The following DDX6 variants were observed in gnomAD, a reference collection of about 807,000 sequenced individuals.
DDX6 encodes DEAD-box helicase 6, also known as probable ATP-dependent RNA helicase DDX6.
In DDX6, 7 loss-of-function variants were observed where a neutral mutation model predicts 60.6. The ratio of observed to expected loss-of-function variants is 0.12; its 90% confidence interval spans 0.07 to 0.22. DDX6 has a LOEUF of 0.22. DDX6 is among the 10% of genes least tolerant of loss of function. The probability of loss-of-function intolerance (pLI) is 1.00; values close to 1 mark genes in which losing one functional copy is unlikely to be tolerated. For synonymous variants in DDX6, 207 were observed against 201.0 expected (o/e 1.03, Z -0.25); for missense variants, 270 against 589.9 (o/e 0.46, Z 5.62).
intron 11 of DDX6, among the ~76,000 whole-genome samples, chr11:118,755,802 T>A (rs499343): frequency 6.6e-6 from 1 of 151,792 alleles, no homozygotes; most frequent in Non-Finnish European, 1.5e-5. Context: ...TCACCTGAGG[T>A]CAGGAGTTCG....
At chr11:118,771,629 G>A (rs960953023) in intron 4 of DDX6, among the ~76,000 whole-genome samples, 2 of 152,222 alleles carry the variant, frequency 1.3e-5, no homozygotes, top group East Asian at 3.8e-4. Flanking sequence ...GGCAAAGGAG[G>A]AAGGAAACGA....
intron 9 of DDX6, among the ~76,000 whole-genome samples, chr11:118,757,672 C>T (rs533003301): frequency 6.6e-6 from 1 of 152,100 alleles, no homozygotes; most frequent in South Asian, 2.1e-4. Context: ...CTCACTGCAA[C>T]AGCTGCCTCC....
Position 118,759,907 on chromosome 11 carries a change from C to T in DDX6, c.864+15G>A. On this transcript the variant is annotated intron_variant, in intron 8 of 13. Coordinates refer to ENST00000534980, the MANE Select transcript of DDX6 (RefSeq NM_004397.6). ...CACAGGATGGCACTGATTCCAAGTACAGATTTATACTCACCATGAACTTCT... is the reference window on the plus strand; with the variant it reads ...CACAGGATGGCACTGATTCCAAGTATAGATTTATACTCACCATGAACTTCT... 11 of 1,604,014 alleles carry T rather than the reference C, an allele frequency of 6.9e-6. No individual in the cohort carries two copies. Among genetic ancestry groups the T allele is most frequent in the Non-Finnish European group, 9.4e-6 (11 of 1,176,432 alleles).
At chr11:118,777,367 T>C (rs192609691) in intron 4 of DDX6, among the ~76,000 whole-genome samples, 104 of 152,300 alleles carry the variant, frequency 6.8e-4, no homozygotes, top group African/African-American at 2.4e-3. Context: ...CTATGTATAA[T>C]GCATGTTTAT....
chr11:118,781,987 C>T (rs529376540), intron 2 of DDX6, among the ~76,000 whole-genome samples: 10 of 151,918 alleles, frequency 6.6e-5, no homozygotes, highest in African/African-American at 1.7e-4. Context: ...CCAAGGCAAG[C>T]GGATCACCTG....
chr11:118,786,016 C>T, intron 2 of DDX6, 36 bp downstream of exon 2: 1 of 1,583,292 alleles, frequency 6.3e-7, no homozygotes, highest in Non-Finnish European at 8.6e-7. Context: ...CTTGGTTCCC[C>T]ACAAGTGTTT....
At chr11:118,757,368 C>T in intron 9 of DDX6, 81 bp from the exon 10 acceptor site, 1 of 656,092 alleles carries the variant, frequency 1.5e-6, no homozygotes, top group Non-Finnish European at 2.5e-6. Flanking sequence ...CACGAACCAG[C>T]AAAAAAGAAA....
At position 118,747,882 on chromosome 11, in the gene DDX6, A is replaced by C. The variant is rs546043156; in HGVS notation, c.*4223T>G. On this transcript the variant is annotated 3_prime_UTR_variant, in exon 14 of 14. Transcript: ENST00000534980. ...CATATATGCGTACATACAACATAAC[A>C]CATCCCAACAAAAACAGAGCCCCCC... The C allele has an allele frequency of 2.2e-5, 3 of 136,928 alleles. No individual in the cohort carries two copies. Among genetic ancestry groups the C allele is most frequent in the African/African-American group, 8.1e-5 (3 of 36,940 alleles). 8.5% of individuals were successfully genotyped at this position (136,928 alleles called of 1,614,324 possible).
chr11:118,764,268 T>C (rs1555160887), intron 6 of DDX6, among the ~76,000 whole-genome samples: 1 of 152,268 alleles, frequency 6.6e-6, no homozygotes, highest in African/African-American at 2.4e-5. Flanking sequence ...TCTTGCTGTT[T>C]TGTTACCTTT....
chr11:118,755,506 T>TTA lies in DDX6; in HGVS notation c.1175-4_1175-3insTA. The stretch of plus-strand genomic sequence containing the variant: ...ATCAATACCTCGGGTAAACAGATCT[T>TTA]AAAAAAAAAAAGATAATTTTCATTT... On this transcript the variant is annotated splice_region_variant and splice_polypyrimidine_tract_variant and intron_variant, in intron 11 of 13. Transcript: ENST00000534980. 8.1e-7 allele frequency: 1 copy of TTA among 1,239,686 alleles called. No homozygotes were observed. The allele number at this position is 1,239,686 out of a possible 1,614,324, so 76.8% of individuals were successfully genotyped here.
chr11:118,776,038 G>A (rs1256789154), intron 4 of DDX6, among the ~76,000 whole-genome samples: 3 of 152,170 alleles, frequency 2.0e-5, no homozygotes, highest in African/African-American at 4.8e-5. Context: ...TCCTTACTCA[G>A]GAGGCTGGGG....
chr11:118,765,965 G>A (rs1222106852), intron 5 of DDX6, among the ~76,000 whole-genome samples: 1 of 151,992 alleles, frequency 6.6e-6, no homozygotes, highest in East Asian at 1.9e-4. Context: ...CAGCTACTTG[G>A]GAGGCTGAGG....
chr11:118,750,498 A>C lies in DDX6; in HGVS notation c.*1607T>G, dbSNP rs1860721786. The C allele has an allele frequency of 1.3e-5, 2 of 152,224 alleles. No individual in the cohort carries two copies. The allele number at this position is 152,224 out of a possible 1,614,324, so 9.4% of individuals were successfully genotyped here. Reference sequence around the variant, plus strand: ...AGCTCTCAGGTTGCCCATTCCTGCAAAAGTTTATGTATCAAAGCGGGCAGA... The same window carrying C: ...AGCTCTCAGGTTGCCCATTCCTGCACAAGTTTATGTATCAAAGCGGGCAGA... On this transcript the variant is annotated 3_prime_UTR_variant, in exon 14 of 14. Transcript: ENST00000534980.
chr11:118,768,412 T>G, intron 4 of DDX6, 60 bp from the exon 5 acceptor site: 4 of 1,570,358 alleles, frequency 2.5e-6, no homozygotes, highest in Non-Finnish European at 3.5e-6. Flanking sequence ...CAAATTCCTC[T>G]CTGAAATACA....
chr11:118,778,688 A>G (rs1861784475), intron 4 of DDX6, among the ~76,000 whole-genome samples: 1 of 152,062 alleles, frequency 6.6e-6, no homozygotes, highest in South Asian at 2.1e-4. Flanking sequence ...ATAGAAGGGA[A>G]AAACCACACA....
chr11:118,780,114 C>CAAAAAAAAAAAA (rs71044492), intron 3 of DDX6, among the ~76,000 whole-genome samples: 5 of 40,286 alleles, frequency 1.2e-4, no homozygotes, highest in African/African-American at 9.7e-5. Flanking sequence ...GACTCTATCT[C>CAAAAAAAAAAAA]AAAAAAAAAA....
At chr11:118,774,493 G>A (rs1555163273) in intron 4 of DDX6, among the ~76,000 whole-genome samples, 1 of 128,808 alleles carries the variant, frequency 7.8e-6, no homozygotes, top group Non-Finnish European at 1.6e-5. Flanking sequence ...TTGTGAGACA[G>A]GGTCTTGCTC....
At chr11:118,781,077 T>C (rs782785039) in intron 3 of DDX6, 44 bp downstream of exon 3, 8 of 1,357,418 alleles carry the variant, frequency 5.9e-6, no homozygotes, top group South Asian at 3.7e-5. Context: ...ACCTCACTTC[T>C]AGTTCCCCAC....
chr11:118,775,462 T>A (rs1555163426), intron 4 of DDX6, among the ~76,000 whole-genome samples: 1 of 152,158 alleles, frequency 6.6e-6, no homozygotes, highest in African/African-American at 2.4e-5. Context: ...CTTGTAACTC[T>A]GATTGATTCT....
Sources: allele counts gnomAD v4.1 joint callset (sites outside exome capture counted in the v4.1 genomes callset), GRCh38; gene constraint gnomAD v4.1.1; transcripts MANE v1.5; gene names NCBI Gene and HGNC (gene_info 2026-07-23, HGNC 2026-07-21).